ESRRG: variants seen among roughly 807,000 people sequenced by gnomAD.
ESRRG encodes the protein estrogen related receptor gamma, also known as estrogen-related receptor gamma.
Under a neutral mutation model 44.0 loss-of-function variants are expected in ESRRG, and 13 were observed. The observed-to-expected ratio is 0.30, with a 90% CI of 0.19 to 0.47. ESRRG has a LOEUF of 0.47. ESRRG is among the 20% of genes least tolerant of loss of function. The pLI is 1.00. For missense variants in ESRRG, 395 were observed against 580.6 expected (o/e 0.68, Z 3.29); for synonymous variants, 215 against 214.6 (o/e 1.00, Z -0.02).
chr1:217,073,732 A>G (rs1269332024), intron 1 of ESRRG, among the ~76,000 whole-genome samples: 1 of 152,072 alleles, frequency 6.6e-6, no homozygotes, highest in Non-Finnish European at 1.5e-5. Context: ...GGAAAGAAGG[A>G]AGAAAGAAAA....
intron 3 of ESRRG, among the ~76,000 whole-genome samples, chr1:216,607,447 C>T (rs1421384504): frequency 6.6e-6 from 1 of 152,098 alleles, no homozygotes; most frequent in Non-Finnish European, 1.5e-5. Flanking sequence ...ACAGAGTGGG[C>T]GCTTGCACGG....
At chr1:216,929,648 G>T (rs2063064436) in intron 2 of ESRRG, among the ~76,000 whole-genome samples, 1 of 152,166 alleles carries the variant, frequency 6.6e-6, no homozygotes, top group South Asian at 2.1e-4. Context: ...ATCACAGGTG[G>T]TTTGGCTTTG....
intron 6 of ESRRG, among the ~76,000 whole-genome samples, chr1:216,514,838 C>T (rs1263454723): frequency 6.6e-6 from 1 of 152,048 alleles, no homozygotes; most frequent in Non-Finnish European, 1.5e-5. Context: ...AAGGAAATGT[C>T]TACAGAAAGA....
intron 2 of ESRRG, among the ~76,000 whole-genome samples, chr1:216,664,523 A>G (rs1364479058): frequency 6.6e-6 from 1 of 150,744 alleles, no homozygotes; most frequent in African/African-American, 2.4e-5. Flanking sequence ...AAGCTCAGGA[A>G]TCTTAAGACA....
intron 2 of ESRRG, among the ~76,000 whole-genome samples, chr1:216,748,349 A>C (rs1367184860): frequency 6.6e-6 from 1 of 152,168 alleles, no homozygotes; most frequent in Non-Finnish European, 1.5e-5. Flanking sequence ...AATAAGAAAA[A>C]CATACAAGAA....
intron 2 of ESRRG, among the ~76,000 whole-genome samples, chr1:216,780,532 A>G (rs2093894501): frequency 6.6e-6 from 1 of 152,062 alleles, no homozygotes; most frequent in Non-Finnish European, 1.5e-5. Context: ...CTGTGTGTAC[A>G]TTATCTCTCT....
intron 3 of ESRRG, among the ~76,000 whole-genome samples, chr1:216,632,147 C>T (rs571720702): frequency 3.6e-4 from 55 of 152,312 alleles, no homozygotes; most frequent in African/African-American, 1.0e-3. Flanking sequence ...ACCAATATGC[C>T]TATATTAAAC....
At chr1:216,606,869 T>C (rs951794350) in intron 3 of ESRRG, among the ~76,000 whole-genome samples, 2 of 152,180 alleles carry the variant, frequency 1.3e-5, no homozygotes, top group African/African-American at 4.8e-5. Flanking sequence ...AAAAATGGCT[T>C]CAAGTAGACA....
intron 1 of ESRRG, among the ~76,000 whole-genome samples, chr1:217,015,893 C>T (rs779255543): frequency 7.9e-5 from 12 of 152,034 alleles, no homozygotes; most frequent in Non-Finnish European, 1.6e-4. Context: ...CCACGCCCGG[C>T]TATTTTTTTG....
At chr1:216,619,716 A>G (rs2061923755) in intron 3 of ESRRG, among the ~76,000 whole-genome samples, 1 of 152,172 alleles carries the variant, frequency 6.6e-6, no homozygotes, top group Non-Finnish European at 1.5e-5. Flanking sequence ...TTAAAATCCA[A>G]TTGTATTTTT....
chr1:216,588,023 TATAAA>T (rs1160933106), intron 3 of ESRRG, among the ~76,000 whole-genome samples: 1 of 152,154 alleles, frequency 6.6e-6, no homozygotes. Flanking sequence ...AGGAAGTAAA[TATAAA>T]ATGTATCACA....
At chr1:216,535,567 G>A (rs770952821) in intron 5 of ESRRG, among the ~76,000 whole-genome samples, 21 of 152,142 alleles carry the variant, frequency 1.4e-4, no homozygotes, top group Middle Eastern at 3.4e-3. Flanking sequence ...CTTCTCACTT[G>A]TCTGTAAGTT....
chr1:216,639,861 T>C (rs1359805877), intron 3 of ESRRG, among the ~76,000 whole-genome samples: 4 of 152,216 alleles, frequency 2.6e-5, no homozygotes, highest in Admixed American at 2.0e-4. Flanking sequence ...GATAGTCATC[T>C]ATAAAAGAAG....
At chr1:216,507,880 A>C (rs2041627274) in intron 6 of ESRRG, among the ~76,000 whole-genome samples, 1 of 152,208 alleles carries the variant, frequency 6.6e-6, no homozygotes, top group Non-Finnish European at 1.5e-5. Context: ...ATAATTTGAA[A>C]ATCTAATTCA....
At chr1:216,577,611 A>T (rs1443445743) in intron 3 of ESRRG, among the ~76,000 whole-genome samples, 1 of 152,042 alleles carries the variant, frequency 6.6e-6, no homozygotes, top group Non-Finnish European at 1.5e-5. Flanking sequence ...GCAAAATTCA[A>T]TGCCCTGTAA....
At chr1:216,867,077 G>A (rs573689339) in intron 2 of ESRRG, among the ~76,000 whole-genome samples, 2 of 152,240 alleles carry the variant, frequency 1.3e-5, no homozygotes, top group South Asian at 4.2e-4. Context: ...AGGCCTTTGA[G>A]TCTTCTGTTT....
At chr1:216,592,657 C>T (rs541890468) in intron 3 of ESRRG, among the ~76,000 whole-genome samples, 40 of 152,086 alleles carry the variant, frequency 2.6e-4, no homozygotes, top group Non-Finnish European at 4.6e-4. Flanking sequence ...TGCACCACCA[C>T]GCCCAGCTAA....
intron 1 of ESRRG, among the ~76,000 whole-genome samples, chr1:217,035,159 G>A (rs2082660689): frequency 6.6e-6 from 1 of 151,820 alleles, no homozygotes. Flanking sequence ...ACCTCATCAG[G>A]ATTGATGTGA....
chr1:216,921,216 G>A (rs1428095604), intron 2 of ESRRG, among the ~76,000 whole-genome samples: 1 of 152,128 alleles, frequency 6.6e-6, no homozygotes, highest in Non-Finnish European at 1.5e-5. Context: ...TTCATCAGGA[G>A]GTGGAGAGTA....
Sources: gnomAD v4.1 joint callset for allele counts (sites outside exome capture counted in the v4.1 genomes callset) on GRCh38, gnomAD v4.1.1 for gene constraint, MANE v1.5 for transcripts, NCBI Gene and HGNC (gene_info 2026-07-23, HGNC 2026-07-21) for gene names.